The following CLSTN1 variants were observed in gnomAD, a reference collection of about 807,000 sequenced individuals.
CLSTN1 encodes the protein calsyntenin-1.
In CLSTN1, 28 loss-of-function variants were observed where a neutral mutation model predicts 108.3. That is an observed-to-expected ratio of 0.26 (90% CI 0.19 to 0.35). The LOEUF (loss-of-function observed/expected upper bound fraction) is 0.35, where lower values mean the gene tolerates loss of function less well. CLSTN1 is among the 10% of genes least tolerant of loss of function. CLSTN1 has a pLI of 1.00. For missense variants in CLSTN1, 1,157 were observed against 1,302.6 expected (o/e 0.89, Z 1.72); for synonymous variants, 524 against 534.9 (o/e 0.98, Z 0.28).
At chr1:9,765,939 A>G (rs1652309056) in intron 2 of CLSTN1, among the ~76,000 whole-genome samples, 1 of 152,192 alleles carries the variant, frequency 6.6e-6, no homozygotes, top group South Asian at 2.1e-4. Context: ...AGGTCAGCTC[A>G]GTTACATGTG....
intron 1 of CLSTN1, among the ~76,000 whole-genome samples, chr1:9,785,918 G>A (rs1351105348): frequency 1.3e-5 from 2 of 151,940 alleles, no homozygotes; most frequent in Non-Finnish European, 2.9e-5. Flanking sequence ...GGTCATGCCT[G>A]TAATCCCAGC....
chr1:9,731,627 T>C (rs1444373982), intron 17 of CLSTN1, 134 bp downstream of exon 17: 9 of 986,060 alleles, frequency 9.1e-6, no homozygotes, highest in Non-Finnish European at 1.4e-5. Flanking sequence ...TTAGTTTCCT[T>C]GTGTGTGATG....
chr1:9,779,189 GCTCT>G (rs1227623828), intron 1 of CLSTN1, among the ~76,000 whole-genome samples: 2 of 152,210 alleles, frequency 1.3e-5, no homozygotes, highest in Admixed American at 1.3e-4. Flanking sequence ...GTCTGAAACG[GCTCT>G]CTGAGAGAAT....
Position 9,735,099 on chromosome 1 carries a change from G to A in CLSTN1, c.1959C>T (p.Pro653=). ...GYVMVLQPEE[P]KISLSGVHHF... ...GGTGGACGCCACTCAGGCTGATCTT[G>A]GGCTCCTCGGGCTGTAAAACCATCA... Residue 653 remains proline (P), a synonymous_variant, in exon 14 of 19, where the codon CCC becomes CCT. Transcript: ENST00000377298. 2 of 1,614,218 alleles carry A rather than the reference G, an allele frequency of 1.2e-6. No homozygotes were observed. The highest frequency in any genetic ancestry group is 1.7e-6 in the Non-Finnish European group (2 of 1,180,048).
intron 4 of CLSTN1, 141 bp downstream of exon 4, chr1:9,754,973 T>C: frequency 1.6e-6 from 1 of 630,422 alleles, no homozygotes; most frequent in Non-Finnish European, 2.7e-6. Flanking sequence ...GTGTTTACAA[T>C]CTAATTGTAG....
At chr1:9,777,226 A>AG (rs1247963969) in intron 1 of CLSTN1, among the ~76,000 whole-genome samples, 1 of 142,082 alleles carries the variant, frequency 7.0e-6, no homozygotes, top group Non-Finnish European at 1.5e-5. Flanking sequence ...TCAAAAAAAA[A>AG]AAAAAAAAAA....
chr1:9,820,202 T>G (rs2101355857), intron 1 of CLSTN1, among the ~76,000 whole-genome samples: 1 of 152,172 alleles, frequency 6.6e-6, no homozygotes, highest in South Asian at 2.1e-4. Flanking sequence ...TACCCACTAA[T>G]GAATTCCCAT....
chr1:9,736,687 T>G (rs995270896), intron 11 of CLSTN1, among the ~76,000 whole-genome samples: 2 of 152,034 alleles, frequency 1.3e-5, no homozygotes, highest in Admixed American at 1.3e-4. Flanking sequence ...GTTCTTAAAC[T>G]GAAAAGGAAA....
intron 1 of CLSTN1, among the ~76,000 whole-genome samples, chr1:9,803,301 T>A (rs1654365017): frequency 6.6e-6 from 1 of 152,078 alleles, no homozygotes; most frequent in Non-Finnish European, 1.5e-5. Context: ...AAAAACCAGA[T>A]CATTGGTAAT....
intron 5 of CLSTN1, among the ~76,000 whole-genome samples, chr1:9,750,634 C>T (rs376913344): frequency 7.6e-4 from 112 of 147,680 alleles, no homozygotes; most frequent in African/African-American, 2.8e-3. Flanking sequence ...ATCCCGTGAG[C>T]CCAGGAGTTC....
chr1:9,813,330 G>A (rs1020261691), intron 1 of CLSTN1, among the ~76,000 whole-genome samples: 2 of 151,328 alleles, frequency 1.3e-5, no homozygotes, highest in East Asian at 1.9e-4. Flanking sequence ...AAACCCTGTC[G>A]CTACTAAAAG....
At position 9,823,701 on chromosome 1, in the gene CLSTN1, C is replaced by A; in HGVS notation, c.33G>T (p.Pro11=). MLRRPAPALA[P]AARLLLAGLL... ...GCCCGGCCAGCAGCAGCCGGGCGGC[C>A]GGGGCCAGCGCGGGAGCGGGGCGGC... Residue 11 remains proline (P), a synonymous_variant, in exon 1 of 19, where the codon CCG becomes CCT. Transcript: ENST00000377298. The surrounding 1 kb of genome is among the most constrained non-coding windows in gnomAD (Gnocchi z 6.3). 5.3e-6 allele frequency: 6 copies of A among 1,130,354 alleles called. No individual in the cohort carries two copies. The highest frequency in any genetic ancestry group is 5.4e-6 in the Non-Finnish European group (5 of 923,224). The allele number at this position is 1,130,354 out of a possible 1,614,324, so 70.0% of individuals were successfully genotyped here. A position where few individuals can be genotyped will look rare whatever the true frequency, so the allele number is the denominator to read the frequency against.
intron 2 of CLSTN1, among the ~76,000 whole-genome samples, chr1:9,760,629 C>A (rs1652023869): frequency 6.6e-6 from 1 of 151,804 alleles, no homozygotes; most frequent in African/African-American, 2.4e-5. Context: ...AAGCGATTCT[C>A]CCACCTCAGC....
At chr1:9,736,238 T>C (rs554872042) in intron 11 of CLSTN1, among the ~76,000 whole-genome samples, 196 bp from the exon 12 acceptor site, 2 of 152,348 alleles carry the variant, frequency 1.3e-5, no homozygotes, top group Non-Finnish European at 2.9e-5. Context: ...ATCATGCACA[T>C]GGCCTGGAGA....
chr1:9,748,039 G>T (rs560408049), intron 7 of CLSTN1, among the ~76,000 whole-genome samples: 34 of 145,544 alleles, frequency 2.3e-4, no homozygotes, highest in Non-Finnish European at 4.0e-4. Flanking sequence ...GTGAGACTCT[G>T]TCTAAAAAAA....
intron 2 of CLSTN1, among the ~76,000 whole-genome samples, 174 bp downstream of exon 2, chr1:9,773,098 T>A (rs1652768279): frequency 6.6e-6 from 1 of 152,164 alleles, no homozygotes; most frequent in Non-Finnish European, 1.5e-5. Flanking sequence ...CAGGCCTTTT[T>A]GTCAGCTACC....
intron 2 of CLSTN1, among the ~76,000 whole-genome samples, chr1:9,772,267 C>T (rs1652728323): frequency 1.3e-5 from 2 of 151,270 alleles, no homozygotes; most frequent in Non-Finnish European, 1.5e-5. Flanking sequence ...CAGGCATGAG[C>T]CACTGTGCCC....
At chr1:9,744,777 C>CA (rs1651173545) in intron 7 of CLSTN1, 134 bp from the exon 8 acceptor site, 3 of 1,120,560 alleles carry the variant, frequency 2.7e-6, no homozygotes, top group African/African-American at 3.2e-5. Context: ...TCTTTCGAGA[C>CA]AGAGTCTTGC....
In CLSTN1 at chr1:9,731,769, G is replaced by A; in HGVS notation, c.2555C>T (p.Pro852Leu). 4.3e-6 allele frequency: 7 copies of A among 1,614,232 alleles called. No homozygotes were observed. In the South Asian group the frequency reaches 5.5e-5, roughly 13 times the overall value. ...CCCTCCCCATGTCCTACCTGCGAAC[G>A]GGTGGGGGTTGGCCAGGTTGTGGCC... ...LSGHNLANPH[P>L]FAVVPSTATV... is the part of the protein sequence containing the mutation. Residue 852 changes from proline to leucine, a missense_variant, in exon 17 of 19, where the codon CCG becomes CTG. Coordinates refer to ENST00000377298, the MANE Select transcript of CLSTN1 (RefSeq NM_001009566.3).
Sources: allele counts gnomAD v4.1 joint callset (sites outside exome capture counted in the v4.1 genomes callset), GRCh38; gene constraint gnomAD v4.1.1; non-coding constraint Gnocchi (gnomAD v3.1); transcripts MANE v1.5; gene names NCBI Gene and HGNC (gene_info 2026-07-23, HGNC 2026-07-21).